The following CDH18 variants were observed in gnomAD, a reference collection of about 807,000 sequenced individuals.
CDH18 encodes the protein cadherin 18.
Under a neutral mutation model 67.9 loss-of-function variants are expected in CDH18, and 31 were observed. That is an observed-to-expected ratio of 0.46 (90% CI 0.34 to 0.62). The LOEUF is 0.62. CDH18 is among the 20% of genes least tolerant of loss of function. The probability of loss-of-function intolerance (pLI) is 0.01; values close to 1 mark genes in which losing one functional copy is unlikely to be tolerated. For missense variants in CDH18, 890 were observed against 975.5 expected, an observed-to-expected ratio of 0.91 and a Z score of 1.17; for synonymous variants, 362 against 347.2, an observed-to-expected ratio of 1.04 and a Z score of -0.48.
At chr5:20,265,794 A>T (rs1283871998) in intron 1 of CDH18, among the ~76,000 whole-genome samples, 1 of 152,216 alleles carries the variant, frequency 6.6e-6, no homozygotes, top group African/African-American at 2.4e-5. Flanking sequence ...TTTATGTGCC[A>T]ACTTGACTGG....
At chr5:20,467,971 T>C (rs1319927387) in intron 1 of CDH18, among the ~76,000 whole-genome samples, 1 of 150,428 alleles carries the variant, frequency 6.6e-6, no homozygotes, top group African/African-American at 2.4e-5. Flanking sequence ...TTATTCTATT[T>C]ACTTACTTTT....
intron 2 of CDH18, among the ~76,000 whole-genome samples, chr5:19,922,604 A>C (rs551275369): frequency 6.6e-6 from 1 of 152,320 alleles, no homozygotes; most frequent in Admixed American, 6.5e-5. Flanking sequence ...TTGTGACAGA[A>C]AAAGTGTAAA....
intron 5 of CDH18, among the ~76,000 whole-genome samples, chr5:19,646,335 T>C (rs1754737192): frequency 6.6e-6 from 1 of 152,000 alleles, no homozygotes; most frequent in South Asian, 2.1e-4. Flanking sequence ...AAACTTAAAT[T>C]ATTATTATTA....
chr5:19,726,402 G>A (rs1414792191), intron 4 of CDH18, among the ~76,000 whole-genome samples: 1 of 152,136 alleles, frequency 6.6e-6, no homozygotes, highest in African/African-American at 2.4e-5. Context: ...GCAACAAATC[G>A]CCTCGTGTAC....
intron 1 of CDH18, among the ~76,000 whole-genome samples, chr5:20,358,060 A>G (rs10078676): frequency 0.16 from 23,785 of 152,118 alleles, 2,015 homozygotes; most frequent in Non-Finnish European, 0.18. Flanking sequence ...AAAACAAAAC[A>G]CCATATATTC....
At chr5:20,016,096 A>G (rs1240807894) in intron 2 of CDH18, among the ~76,000 whole-genome samples, 2 of 152,162 alleles carry the variant, frequency 1.3e-5, no homozygotes, top group Admixed American at 1.3e-4. Context: ...GATAACAAAA[A>G]TGTGGTACTT....
At chr5:20,471,157 T>TAAG (rs1157373242) in intron 1 of CDH18, among the ~76,000 whole-genome samples, 7 of 151,576 alleles carry the variant, frequency 4.6e-5, no homozygotes, top group Non-Finnish European at 1.0e-4. Flanking sequence ...GCTCCACTGC[T>TAAG]AAGAGCAAGG....
chr5:20,148,090 T>C lies in CDH18; in HGVS notation c.-518+107354A>G, dbSNP rs984591375. On this transcript the variant is annotated intron_variant, in intron 2 of 14. Coordinates refer to the CDH18 transcript ENST00000507958. ...GCATACAATAGTGTCTTTTGTTTTGTTTTTTTTTTTCTTTTTTTTGAGACA... is the reference window on the plus strand; with the variant it reads ...GCATACAATAGTGTCTTTTGTTTTGCTTTTTTTTTTCTTTTTTTTGAGACA... Among the ~76,000 whole-genome samples the C allele has an allele frequency of 2.4e-5, 3 of 125,578 alleles. No homozygotes were observed. The East Asian group carries it at 8.9e-4, about 37-fold the overall frequency. 82.4% of individuals were successfully genotyped at this position (125,578 alleles called of 152,430 possible). A position where few individuals can be genotyped will look rare whatever the true frequency, so the allele number is the denominator to read the frequency against.
At chr5:19,944,574 A>T (rs1043143198) in intron 2 of CDH18, among the ~76,000 whole-genome samples, 2 of 152,280 alleles carry the variant, frequency 1.3e-5, no homozygotes, top group African/African-American at 4.8e-5. Context: ...CTGTTTTTGT[A>T]GTTCTTTCTG....
At chr5:19,529,969 T>C (rs1054968058) in intron 9 of CDH18, among the ~76,000 whole-genome samples, 6 of 152,126 alleles carry the variant, frequency 3.9e-5, no homozygotes, top group Middle Eastern at 3.2e-3. Flanking sequence ...ACAAAAACTG[T>C]TCTAAAATAA....
chr5:19,530,401 T>C (rs569001706), intron 9 of CDH18, among the ~76,000 whole-genome samples: 10 of 152,256 alleles, frequency 6.6e-5, no homozygotes, highest in African/African-American at 2.2e-4. Context: ...AGAAAAAACA[T>C]AAAAAAGCCA....
At chr5:20,302,344 C>G (rs1736009263) in intron 1 of CDH18, among the ~76,000 whole-genome samples, 1 of 152,176 alleles carries the variant, frequency 6.6e-6, no homozygotes, top group Non-Finnish European at 1.5e-5. Context: ...CAGCCACTTG[C>G]TTACTATGAA....
At chr5:20,308,763 A>G (rs956110341) in intron 1 of CDH18, among the ~76,000 whole-genome samples, 1 of 152,186 alleles carries the variant, frequency 6.6e-6, no homozygotes, top group Non-Finnish European at 1.5e-5. Flanking sequence ...TTGGTAGGCA[A>G]TGACCTAACT....
chr5:20,176,795 C>T (rs779939489), intron 2 of CDH18, among the ~76,000 whole-genome samples: 1 of 152,046 alleles, frequency 6.6e-6, no homozygotes, highest in Non-Finnish European at 1.5e-5. Flanking sequence ...CTTGGAAGTT[C>T]TTTAGTTTAG....
intron 2 of CDH18, among the ~76,000 whole-genome samples, chr5:20,122,538 T>C (rs115287142): frequency 0.018 from 2,670 of 152,216 alleles, 78 homozygotes; most frequent in African/African-American, 0.06. Flanking sequence ...ATTTGATAAC[T>C]ATAGTATCTT....
intron 2 of CDH18, among the ~76,000 whole-genome samples, chr5:20,066,890 T>G (rs972683030): frequency 2.6e-5 from 4 of 151,960 alleles, no homozygotes; most frequent in African/African-American, 7.2e-5. Context: ...CATTGGCCCT[T>G]AGAAAATGGG....
At chr5:20,327,220 C>T (rs1046186138) in intron 1 of CDH18, among the ~76,000 whole-genome samples, 2 of 152,168 alleles carry the variant, frequency 1.3e-5, no homozygotes, top group African/African-American at 4.8e-5. Context: ...CTGAGTCATA[C>T]AAAAACTGCT....
intron 5 of CDH18, among the ~76,000 whole-genome samples, chr5:19,716,449 A>G (rs1389551197): frequency 1.3e-5 from 2 of 152,082 alleles, no homozygotes; most frequent in East Asian, 3.9e-4. Context: ...TTTGGTAGAA[A>G]GGCCAAGTAA....
chr5:20,380,617 A>G (rs2150099589), intron 1 of CDH18, among the ~76,000 whole-genome samples: 1 of 152,278 alleles, frequency 6.6e-6, no homozygotes, highest in African/African-American at 2.4e-5. Flanking sequence ...ACAGATAGGT[A>G]TTAGTTAGGT....
Sources: allele counts gnomAD v4.1 joint callset (sites outside exome capture counted in the v4.1 genomes callset), GRCh38; gene constraint gnomAD v4.1.1; transcripts MANE v1.5; gene names NCBI Gene and HGNC (gene_info 2026-07-23, HGNC 2026-07-21).